The following APBB2 variants were observed in gnomAD, a reference collection of about 807,000 sequenced individuals.
The protein encoded by APBB2 is Fe65-like 1.
APBB2 carries 38 observed loss-of-function variants against 82.5 expected under a neutral mutation model. That is an observed-to-expected ratio of 0.46 (90% CI 0.36 to 0.60). APBB2 has a LOEUF of 0.60. Ranked by LOEUF, APBB2 falls within the 20% of genes least tolerant of loss-of-function variation. The probability of loss-of-function intolerance (pLI) is 0.00; values close to 1 mark genes in which losing one functional copy is unlikely to be tolerated. For missense variants in APBB2, 772 were observed against 972.3 expected, an observed-to-expected ratio of 0.79 and a Z score of 2.74; for synonymous variants, 341 against 368.2, an observed-to-expected ratio of 0.93 and a Z score of 0.85.
At chr4:41,155,906 G>A (rs1393424349) in intron 1 of APBB2, among the ~76,000 whole-genome samples, 3 of 152,158 alleles carry the variant, frequency 2.0e-5, no homozygotes, top group African/African-American at 7.2e-5. Context: ...AACCATAAAA[G>A]TGAAATCATA....
chr4:41,204,864 T>G (rs1054043003), intron 1 of APBB2, among the ~76,000 whole-genome samples: 1 of 152,228 alleles, frequency 6.6e-6, no homozygotes, highest in Non-Finnish European at 1.5e-5. Flanking sequence ...AATTTCTCTC[T>G]AGTCACCATT....
chr4:41,107,102 G>T (rs966145022), intron 2 of APBB2, among the ~76,000 whole-genome samples: 11 of 152,144 alleles, frequency 7.2e-5, no homozygotes, highest in Non-Finnish European at 1.5e-4. Context: ...TTGAAGCCAG[G>T]TGTTTGAGAT....
At chr4:40,821,730 G>T in intron 17 of APBB2, 141 bp downstream of exon 17, 2 of 975,722 alleles carry the variant, frequency 2.0e-6, no homozygotes, top group Non-Finnish European at 3.0e-6. Flanking sequence ...TCTGGCCCTA[G>T]GAATGACGGC....
At chr4:40,849,725 C>CTTTTT (rs758207803) in intron 12 of APBB2, among the ~76,000 whole-genome samples, 13 of 123,232 alleles carry the variant, frequency 1.1e-4, no homozygotes, top group East Asian at 2.4e-4. Flanking sequence ...ACTAAAGTTA[C>CTTTTT]TTTTTTTTTT....
At chr4:41,085,174 C>A (rs1169677196) in intron 3 of APBB2, among the ~76,000 whole-genome samples, 2 of 151,390 alleles carry the variant, frequency 1.3e-5, no homozygotes, top group East Asian at 3.9e-4. Flanking sequence ...TGGTGTGAAC[C>A]CGGGAGGTGG....
At chr4:40,886,960 T>C (rs1172277732) in intron 12 of APBB2, among the ~76,000 whole-genome samples, 2 of 152,188 alleles carry the variant, frequency 1.3e-5, no homozygotes, top group Non-Finnish European at 2.9e-5. Flanking sequence ...AGCCCTCACT[T>C]TGCCAGGCAA....
At chr4:40,837,163 G>A (rs908427950) in intron 12 of APBB2, among the ~76,000 whole-genome samples, 1 of 152,234 alleles carries the variant, frequency 6.6e-6, no homozygotes, top group Non-Finnish European at 1.5e-5. Context: ...ATCAGCTCAG[G>A]CCGAGCATGT....
intron 10 of APBB2, among the ~76,000 whole-genome samples, chr4:40,897,276 G>A (rs1340440312): frequency 1.3e-5 from 2 of 152,190 alleles, no homozygotes; most frequent in Non-Finnish European, 2.9e-5. Flanking sequence ...GGCTAAGGCA[G>A]GCGGATCACT....
intron 1 of APBB2, among the ~76,000 whole-genome samples, chr4:41,148,811 C>T (rs553938748): frequency 6.6e-6 from 1 of 152,208 alleles, no homozygotes; most frequent in Admixed American, 6.5e-5. Flanking sequence ...TATCAGGTAC[C>T]ATTCTAGGTG....
chr4:40,993,064 T>A lies in APBB2; in HGVS notation c.835+20519A>T, dbSNP rs1802586972. 2.0e-5 allele frequency among the ~76,000 whole-genome samples: 3 copies of A among 152,218 alleles called. No individual in the cohort carries two copies. In the South Asian group the frequency reaches 6.2e-4, roughly 32 times the overall value. ...TAAAATCCAATTTTTGCTGAGCCCT[T>A]ACTACATGGCAATCACTACGTTCTG... is the stretch of plus-strand genomic sequence containing the variant. On this transcript the variant is annotated intron_variant, in intron 6 of 17. Transcript: ENST00000508593.
intron 6 of APBB2, among the ~76,000 whole-genome samples, chr4:40,989,497 T>C: frequency 6.6e-6 from 1 of 151,472 alleles, no homozygotes; most frequent in East Asian, 1.9e-4. Context: ...AATGCAAGAG[T>C]TTTTAATTTC....
intron 6 of APBB2, among the ~76,000 whole-genome samples, chr4:40,947,234 G>A (rs1446085087): frequency 6.6e-6 from 1 of 152,226 alleles, no homozygotes; most frequent in East Asian, 1.9e-4. Flanking sequence ...ACCCTAGCAA[G>A]TGGGTTCCCT....
At chr4:40,953,999 G>A (rs1790917469) in intron 6 of APBB2, among the ~76,000 whole-genome samples, 1 of 152,326 alleles carries the variant, frequency 6.6e-6, no homozygotes, top group African/African-American at 2.4e-5. Flanking sequence ...CTTGGCCTGA[G>A]AACAAGCCCA....
At chr4:40,955,832 A>G (rs930623842) in intron 6 of APBB2, among the ~76,000 whole-genome samples, 5 of 151,958 alleles carry the variant, frequency 3.3e-5, no homozygotes, top group African/African-American at 9.7e-5. Flanking sequence ...GCTGAATGCA[A>G]TGGCATGATC....
intron 1 of APBB2, among the ~76,000 whole-genome samples, chr4:41,191,541 C>A (rs1472983928): frequency 1.3e-5 from 2 of 152,140 alleles, no homozygotes; most frequent in Admixed American, 6.5e-5. Context: ...CCTCAATAAA[C>A]AGTACTAGGA....
At chr4:41,060,535 G>A (rs1021751749) in intron 4 of APBB2, among the ~76,000 whole-genome samples, 3 of 152,168 alleles carry the variant, frequency 2.0e-5, no homozygotes, top group African/African-American at 7.2e-5. Flanking sequence ...AAATACTGGA[G>A]CAACTACCGT....
intron 10 of APBB2, among the ~76,000 whole-genome samples, chr4:40,901,549 T>C (rs1251310649): frequency 6.6e-6 from 1 of 152,110 alleles, no homozygotes; most frequent in Non-Finnish European, 1.5e-5. Context: ...TCTCGCTGTC[T>C]GCCAGGCTGG....
chr4:40,848,078 G>A (rs982859814), intron 12 of APBB2, among the ~76,000 whole-genome samples: 1 of 152,078 alleles, frequency 6.6e-6, no homozygotes, highest in Non-Finnish European at 1.5e-5. Flanking sequence ...AAAAGTATTT[G>A]GATTACAGGC....
chr4:41,007,889 A>G (rs1382886271), intron 6 of APBB2, among the ~76,000 whole-genome samples: 4 of 152,214 alleles, frequency 2.6e-5, no homozygotes, highest in Non-Finnish European at 4.4e-5. Flanking sequence ...ACTTTTGAGT[A>G]ATGCCGAAAG....
Sources: allele counts gnomAD v4.1 joint callset (sites outside exome capture counted in the v4.1 genomes callset), GRCh38; gene constraint gnomAD v4.1.1; transcripts MANE v1.5; gene names NCBI Gene and HGNC (gene_info 2026-07-23, HGNC 2026-07-21).